Variants in CERS3 observed in about 807,000 individuals in gnomAD.
The protein encoded by CERS3 is LAG1 homolog, ceramide synthase 3.
A neutral mutation model predicts 50.3 loss-of-function variants in CERS3; 33 were observed. The ratio of observed to expected loss-of-function variants is 0.66; its 90% CI spans 0.50 to 0.88. The LOEUF (loss-of-function observed/expected upper bound fraction) is 0.88. Ranked by LOEUF, CERS3 falls within the 40% of genes least tolerant of loss-of-function variation. CERS3 has a pLI of 0.00. For synonymous variants in CERS3, 176 were observed against 155.2 expected, an observed-to-expected ratio of 1.13 and a Z score of -0.99; for missense variants, 470 against 460.3, an observed-to-expected ratio of 1.02 and a Z score of -0.19.
intron 11 of CERS3, among the ~76,000 whole-genome samples, chr15:100,404,561 G>A (rs1364932266): frequency 2.0e-5 from 3 of 152,140 alleles, no homozygotes; most frequent in Admixed American, 2.0e-4. Flanking sequence ...AAATTATCCT[G>A]TAGATTCCAC....
chr15:100,438,970 T>C (rs2033556684), intron 11 of CERS3, among the ~76,000 whole-genome samples: 1 of 152,226 alleles, frequency 6.6e-6, no homozygotes, highest in Admixed American at 6.5e-5. Context: ...TCAAGGCACT[T>C]CTCATGTTAG....
chr15:100,510,086 G>A (rs967540233), intron 2 of CERS3, among the ~76,000 whole-genome samples: 1 of 151,102 alleles, frequency 6.6e-6, no homozygotes, highest in Non-Finnish European at 1.5e-5. Flanking sequence ...TAGCAGCTAC[G>A]CACCTCCTGT....
upstream of CERS3, among the ~76,000 whole-genome samples, chr15:100,533,828 G>T (rs2037005281): frequency 6.6e-6 from 1 of 152,172 alleles, no homozygotes; most frequent in Non-Finnish European, 1.5e-5. Flanking sequence ...AAAGTGCTGA[G>T]ATTACAGGCG....
At chr15:100,516,309 T>C (rs1179805919) in intron 2 of CERS3, among the ~76,000 whole-genome samples, 1 of 152,204 alleles carries the variant, frequency 6.6e-6, no homozygotes, top group Non-Finnish European at 1.5e-5. Context: ...CTAAAAACTT[T>C]CGAGAGAACA....
intron 11 of CERS3, among the ~76,000 whole-genome samples, chr15:100,444,729 C>G (rs1394495145): frequency 6.6e-6 from 1 of 152,184 alleles, no homozygotes; most frequent in Non-Finnish European, 1.5e-5. Context: ...GGCAAATTAG[C>G]TTTACTCAAC....
intron 11 of CERS3, among the ~76,000 whole-genome samples, chr15:100,438,460 A>G (rs947665566): frequency 6.6e-5 from 10 of 152,140 alleles, no homozygotes; most frequent in Admixed American, 4.6e-4. Flanking sequence ...ATAACTCCAT[A>G]CAAGTATTTT....
Position 100,502,793 on chromosome 15 carries a change from AT to A in CERS3, c.-1-944del, listed in dbSNP as rs908250075. 2.5e-3 allele frequency among the ~76,000 whole-genome samples: 363 copies of A among 147,672 alleles called. 2 individuals are homozygous for A. The highest frequency in any genetic ancestry group is 0.017 in the Admixed American group (248 of 14,830). On this transcript the variant is annotated intron_variant, in intron 2 of 11. Transcript: ENST00000679737. ...AGGCCTGAACTCATGACTTCAACACATTTTTTTTTTTAGGTATGCTAAAAAA... is the reference window on the plus strand; with the variant it reads ...AGGCCTGAACTCATGACTTCAACACATTTTTTTTTTAGGTATGCTAAAAAA...
At chr15:100,535,239 AT>A (rs2037041681) in intron 1 of CERS3, among the ~76,000 whole-genome samples, 1 of 152,200 alleles carries the variant, frequency 6.6e-6, no homozygotes, top group Admixed American at 6.5e-5. Context: ...ACTTTATTTT[AT>A]GCATATAGAC....
intron 11 of CERS3, among the ~76,000 whole-genome samples, chr15:100,434,148 A>C (rs532141059): frequency 6.6e-6 from 1 of 152,304 alleles, no homozygotes; most frequent in South Asian, 2.1e-4. Flanking sequence ...CAGACTGAAG[A>C]CGTCCTAGAA....
At position 100,402,838 on chromosome 15, in the gene CERS3, C is replaced by T. The variant is rs145849861; in HGVS notation, c.1027G>A (p.Glu343Lys). ...KSIQDVRSDD[E>K]DYEEEEEEEE... is the part of the protein sequence containing the mutation. ...TCTTCCTCTTCCTCTTCATAATCCT[C>T]GTCATCACTCCTCACATCCTGGATG... Residue 343 changes from glutamate (E) to lysine (K), a missense_variant, in exon 12 of 12, where the codon GAG becomes AAG. By Grantham distance (56) the Glu-to-Lys change is moderately conservative (BLOSUM62 1). Transcript: ENST00000679737. 2.5e-5 allele frequency: 40 copies of T among 1,609,662 alleles called. No homozygotes were observed. In the African/African-American group the frequency reaches 3.9e-4, roughly 16 times the overall value.
intron 11 of CERS3, among the ~76,000 whole-genome samples, chr15:100,427,702 A>T (rs191280140): frequency 9.8e-5 from 15 of 152,362 alleles, no homozygotes; most frequent in African/African-American, 2.9e-4. Context: ...GACTCTGACT[A>T]CAAAGCCGAA....
At chr15:100,502,255 A>G (rs1567666847) in intron 2 of CERS3, among the ~76,000 whole-genome samples, 6 of 127,456 alleles carry the variant, frequency 4.7e-5, no homozygotes, top group African/African-American at 1.6e-4. Context: ...AAAAAAGAAA[A>G]AAAAAAAAAA....
chr15:100,489,562 A>G (rs150735776), intron 4 of CERS3, among the ~76,000 whole-genome samples: 1 of 152,314 alleles, frequency 6.6e-6, no homozygotes, highest in African/African-American at 2.4e-5. Flanking sequence ...TTTTATACAA[A>G]GTATTACTAA....
chr15:100,484,554 C>T lies in CERS3; in HGVS notation c.403G>A (p.Ala135Thr). 6.2e-7 allele frequency: 1 copy of T among 1,610,192 alleles called. No homozygotes were observed. The highest frequency in any genetic ancestry group is 1.1e-5 in the South Asian group (1 of 91,010). ...AGCTTGGCCCATCCTCCTTACCAAG[C>T]TTCCTGGAATTTCTTCAGCCTGGAA... ...RPSRLKKFQEACWRFAFYLMI... is the reference protein window; with the variant it reads ...RPSRLKKFQETCWRFAFYLMI... The change falls in exon 5 of 12, where the codon GCT becomes ACT. Residue 135 changes from alanine to threonine, a missense_variant. Physicochemically the swap from Ala to Thr is moderately conservative, Grantham distance 58. Transcript: ENST00000679737.
intron 7 of CERS3, 50 bp from the exon 8 acceptor site, chr15:100,476,228 C>T (rs1309445738): frequency 5.4e-6 from 7 of 1,291,812 alleles, no homozygotes; most frequent in Non-Finnish European, 5.3e-6. Context: ...ATAGAAGCAA[C>T]TCATTTTAAT....
In CERS3 at chr15:100,539,606, T is replaced by A. The variant is rs563742166; in HGVS notation, c.-355+5045A>T. Reference sequence around the variant, plus strand: ...AGATCTCAGGAGAACTTGCTCACTATCATGAGAAGAGCATGGGGGAAAGAA... The same window carrying A: ...AGATCTCAGGAGAACTTGCTCACTAACATGAGAAGAGCATGGGGGAAAGAA... On this transcript the variant is annotated intron_variant, in intron 1 of 12. Coordinates refer to the CERS3 transcript ENST00000284382. Among the ~76,000 whole-genome samples the A allele has an allele frequency of 1.4e-4, 21 of 152,322 alleles. No individual in the cohort carries two copies. In the South Asian group the frequency reaches 4.4e-3, roughly 32 times the overall value.
chr15:100,518,345 C>CAGAG (rs138962678), intron 2 of CERS3, among the ~76,000 whole-genome samples: 1 of 150,576 alleles, frequency 6.6e-6, no homozygotes, highest in African/African-American at 2.4e-5. Flanking sequence ...GAGAGAAGGA[C>CAGAG]AGAGAGAGAG....
intron 11 of CERS3, among the ~76,000 whole-genome samples, chr15:100,448,232 C>CT (rs1159224313): frequency 2.0e-5 from 3 of 152,194 alleles, no homozygotes; most frequent in Non-Finnish European, 4.4e-5. Context: ...TACATGCCTC[C>CT]TCCACAGAGG....
At chr15:100,465,780 TC>T (rs1333890565) in intron 10 of CERS3, among the ~76,000 whole-genome samples, 2 of 151,880 alleles carry the variant, frequency 1.3e-5, no homozygotes, top group Non-Finnish European at 2.9e-5. Context: ...TGTCTCAGCC[TC>T]CCGAGTAGCT....
Sources: allele counts gnomAD v4.1 joint callset (sites outside exome capture counted in the v4.1 genomes callset), GRCh38; gene constraint gnomAD v4.1.1; transcripts MANE v1.5; gene names NCBI Gene and HGNC (gene_info 2026-07-23, HGNC 2026-07-21).